The following GSDME variants were observed in gnomAD, a reference collection of about 807,000 sequenced individuals.
GSDME encodes gasdermin E.
GSDME carries 44 observed loss-of-function variants against 47.5 expected under a neutral mutation model. The ratio of observed to expected loss-of-function variants is 0.93; its 90% CI spans 0.73 to 1.19. The LOEUF (loss-of-function observed/expected upper bound fraction) is 1.19. Ranked by LOEUF, GSDME falls within the 50% of genes most tolerant of loss-of-function variation. The pLI, the probability that GSDME is intolerant of heterozygous loss-of-function variation, is 0.00. For missense variants in GSDME, 663 were observed against 604.2 expected, an observed-to-expected ratio of 1.10 and a Z score of -1.02; for synonymous variants, 258 against 252.8, an observed-to-expected ratio of 1.02 and a Z score of -0.20.
chr7:24,709,643 C>G (rs1463220046), intron 6 of GSDME, among the ~76,000 whole-genome samples: 1 of 152,166 alleles, frequency 6.6e-6, no homozygotes, highest in Non-Finnish European at 1.5e-5. Context: ...GCTGCGCCCC[C>G]ACATCCCCGA....
At chr7:24,760,121 A>G (rs1791145506), upstream of GSDME, among the ~76,000 whole-genome samples, 1 of 152,242 alleles carries the variant, frequency 6.6e-6, no homozygotes, top group African/African-American at 2.4e-5. This position sits in a 1 kb window ranked among gnomAD's most constrained non-coding sequence, Gnocchi z 4.2. Flanking sequence ...ATCTGCTTTC[A>G]AAAAGATTCG....
intron 4 of GSDME, among the ~76,000 whole-genome samples, chr7:24,718,676 A>G (rs1250966104): frequency 6.6e-6 from 1 of 152,152 alleles, no homozygotes; most frequent in East Asian, 1.9e-4. Flanking sequence ...TCAGGAATGA[A>G]CATATCCCGG....
upstream of GSDME, among the ~76,000 whole-genome samples, chr7:24,761,118 T>A (rs1296297818): frequency 6.6e-6 from 1 of 152,214 alleles, no homozygotes; most frequent in East Asian, 1.9e-4. This position sits in a 1 kb window ranked among gnomAD's most constrained non-coding sequence, Gnocchi z 4.4. Context: ...TCTCACAATT[T>A]TGTAGGTTAG....
At chr7:24,703,597 G>C (rs929322921) in intron 8 of GSDME, 2 of 153,920 alleles carry the variant, frequency 1.3e-5, no homozygotes, top group African/African-American at 4.8e-5. Flanking sequence ...TGCTGAATCA[G>C]GTAGCCGAGG....
intron 2 of GSDME, among the ~76,000 whole-genome samples, chr7:24,748,110 T>TA (rs905985644): frequency 2.0e-5 from 3 of 147,952 alleles, no homozygotes; most frequent in South Asian, 2.1e-4. Context: ...TAATGTTAAG[T>TA]AAAAAAATAA....
chr7:24,699,070 T>C lies in GSDME; in HGVS notation c.1447A>G (p.Ile483Val), dbSNP rs1443555213. Residue 483 changes from isoleucine (I) to valine (V), a missense_variant, in exon 10 of 10, where the codon ATA becomes GTA. Transcript: ENST00000645220. ...DSKVFPLLLC[I>V]TLNGLCALGR... Reference sequence around the variant, plus strand: ...AAAGCACAGAGTCCATTCAGGGTTATACAAAGAAGCAGTGGGAAGACTTTA... The same window carrying C: ...AAAGCACAGAGTCCATTCAGGGTTACACAAAGAAGCAGTGGGAAGACTTTA... 2 of 1,614,120 alleles carry C rather than the reference T, an allele frequency of 1.2e-6. No individual in the cohort carries two copies. Among genetic ancestry groups the C allele is most frequent in the Non-Finnish European group, 8.5e-7 (1 of 1,179,986 alleles).
Position 24,744,840 on chromosome 7 carries a change from A to G in GSDME, c.212-86T>C. On this transcript the variant is annotated intron_variant, in intron 2 of 9. Coordinates refer to ENST00000645220, the MANE Select transcript of GSDME (RefSeq NM_001127453.2). The surrounding 1 kb of genome is among the most constrained non-coding windows in gnomAD (Gnocchi z 4.5). Reference sequence around the variant, plus strand: ...GTCATTTAGCTTTCCAAGCCTGTGCAGAGCCCCGGAAAGCAGAAGGCTGGC... The same window carrying G: ...GTCATTTAGCTTTCCAAGCCTGTGCGGAGCCCCGGAAAGCAGAAGGCTGGC... 6.9e-7 allele frequency: 1 copy of G among 1,447,162 alleles called. No individual in the cohort carries two copies. The highest frequency in any genetic ancestry group is 1.8e-5 in the Admixed American group (1 of 54,832). 89.6% of individuals were successfully genotyped at this position (1,447,162 alleles called of 1,614,324 possible). A position where few individuals can be genotyped will look rare whatever the true frequency, so the allele number is the denominator to read the frequency against.
chr7:24,794,143 C>T, the GSDME span, among the ~76,000 whole-genome samples: 1 of 150,532 alleles, frequency 6.6e-6, no homozygotes. Flanking sequence ...TTGTATATCT[C>T]TCTCTTTCTC....
chr7:24,765,802 A>G, the GSDME span, among the ~76,000 whole-genome samples: 1 of 152,236 alleles, frequency 6.6e-6, no homozygotes, highest in Non-Finnish European at 1.5e-5. Context: ...TTTGTCCAGC[A>G]TGATCCTTTA....
Position 24,698,928 on chromosome 7 carries a change from ATTCAT to A in GSDME, c.*93_*97del, listed in dbSNP as rs1325812991. ...CACCACTTCTTAAACTGTTCTGTAA[ATTCAT>A]TTCATTGGTCAACTTTTAACGTGCA... On this transcript the variant is annotated 3_prime_UTR_variant, in exon 10 of 10. Coordinates refer to ENST00000645220, the MANE Select transcript of GSDME (RefSeq NM_001127453.2). 3 of 884,364 alleles carry A rather than the reference ATTCAT, an allele frequency of 3.4e-6. No homozygotes were observed. Among genetic ancestry groups the A allele is most frequent in the Admixed American group, 2.0e-5 (1 of 50,238 alleles). 54.8% of individuals were successfully genotyped at this position (884,364 alleles called of 1,614,324 possible). A position where few individuals can be genotyped will look rare whatever the true frequency, so the allele number is the denominator to read the frequency against.
At chr7:24,701,635 C>T (rs1004671399) in intron 9 of GSDME, among the ~76,000 whole-genome samples, 2 of 152,224 alleles carry the variant, frequency 1.3e-5, no homozygotes, top group South Asian at 2.1e-4. Context: ...TGTTGTTTTG[C>T]TCATCATTGC....
the GSDME span, among the ~76,000 whole-genome samples, chr7:24,780,298 C>G: frequency 6.6e-6 from 1 of 152,144 alleles, no homozygotes; most frequent in East Asian, 1.9e-4. The surrounding 1 kb of genome is among the most constrained non-coding windows in gnomAD (Gnocchi z 4.1). Flanking sequence ...CAAAGGTCAG[C>G]GTATAAACCA....
Position 24,739,311 on chromosome 7 carries a change from C to A in GSDME, c.404+5251G>T, listed in dbSNP as rs1460292166. ...ATCTAATAATCCTGTTAAAAATGGGCAAAAGATCTAAATAGACATTTCTCA... is the reference window on the plus strand; with the variant it reads ...ATCTAATAATCCTGTTAAAAATGGGAAAAAGATCTAAATAGACATTTCTCA... On this transcript the variant is annotated intron_variant, in intron 3 of 9. Transcript: ENST00000645220. This position sits in a 1 kb window ranked among gnomAD's most constrained non-coding sequence, Gnocchi z 5.1. Among the ~76,000 whole-genome samples, 2 of 152,092 alleles carry A rather than the reference C, an allele frequency of 1.3e-5. No individual in the cohort carries two copies. The highest frequency in any genetic ancestry group is 2.4e-5 in the African/African-American group (1 of 41,416).
chr7:24,727,365 G>A (rs1978123), intron 3 of GSDME, among the ~76,000 whole-genome samples: 3,717 of 152,298 alleles, frequency 0.024, 160 homozygotes, highest in African/African-American at 0.085. Flanking sequence ...AAATGGTGCA[G>A]TACTGCCAGA....
chr7:24,754,413 A>C lies in GSDME; in HGVS notation c.-20+2983T>G, dbSNP rs1451981397. On this transcript the variant is annotated intron_variant, in intron 1 of 9. Coordinates refer to ENST00000645220, the MANE Select transcript of GSDME (RefSeq NM_001127453.2). The surrounding 1 kb of genome is among the most constrained non-coding windows in gnomAD (Gnocchi z 5.0). ...GGCAGGAGAATCACTTGAACCTGGG[A>C]GGCAGAGGTTGCAGTGAGCCAAGAT... Among the ~76,000 whole-genome samples the C allele has an allele frequency of 6.6e-6, 1 of 151,708 alleles. No homozygotes were observed. Among genetic ancestry groups the C allele is most frequent in the East Asian group, 1.9e-4 (1 of 5,180 alleles).
chr7:24,726,371 C>A lies in GSDME; in HGVS notation c.405-7153G>T, dbSNP rs982056102. Among the ~76,000 whole-genome samples the A allele has an allele frequency of 2.0e-5, 3 of 152,140 alleles. No homozygotes were observed. Among genetic ancestry groups the A allele is most frequent in the African/African-American group, 7.2e-5 (3 of 41,432 alleles). On this transcript the variant is annotated intron_variant, in intron 3 of 9. Transcript: ENST00000645220. This position sits in a 1 kb window ranked among gnomAD's most constrained non-coding sequence, Gnocchi z 5.6. ...TCCTGCAGAGACACAGGAGGGCGAG[C>A]TTTGTCATGCAGACCCCACACTTCA... is the stretch of plus-strand genomic sequence containing the variant.
At chr7:24,784,838 G>C in the GSDME span, among the ~76,000 whole-genome samples, 1 of 152,042 alleles carries the variant, frequency 6.6e-6, no homozygotes, top group Admixed American at 6.6e-5. Context: ...GGGCTTACAG[G>C]TGTGAGCCAC....
At position 24,735,236 on chromosome 7, in the gene GSDME, CAAAG is replaced by C. The variant is rs1166448189; in HGVS notation, c.404+9322_404+9325del. On this transcript the variant is annotated intron_variant, in intron 3 of 9. Transcript: ENST00000645220. This position sits in a 1 kb window ranked among gnomAD's most constrained non-coding sequence, Gnocchi z 4.4. The stretch of plus-strand genomic sequence containing the variant: ...CATGAAGGAGAAACATAGACTTTCT[CAAAG>C]AAAAGCTGAAGGACTTCATCAATAC... Among the ~76,000 whole-genome samples the C allele has an allele frequency of 6.6e-6, 1 of 152,068 alleles. No homozygotes were observed. The highest frequency in any genetic ancestry group is 1.5e-5 in the Non-Finnish European group (1 of 68,022).
chr7:24,785,432 T>C, the GSDME span, among the ~76,000 whole-genome samples: 2 of 152,326 alleles, frequency 1.3e-5, no homozygotes, highest in East Asian at 3.9e-4. Flanking sequence ...TCAATATTTA[T>C]TTAGTCCATA....
Sources: allele counts gnomAD v4.1 joint callset (sites outside exome capture counted in the v4.1 genomes callset), GRCh38; gene constraint gnomAD v4.1.1; non-coding constraint Gnocchi (gnomAD v3.1); transcripts MANE v1.5; gene names NCBI Gene and HGNC (gene_info 2026-07-23, HGNC 2026-07-21).